SESN2: variants seen among roughly 807,000 people sequenced by gnomAD.
SESN2 encodes sestrin 2, also known as sestrin-2.
A neutral mutation model predicts 56.0 loss-of-function variants in SESN2; 42 were observed. The observed-to-expected ratio is 0.75, with a 90% confidence interval of 0.59 to 0.97. The LOEUF is 0.97. SESN2 is among the 50% of genes least tolerant of loss of function. SESN2 has a pLI of 0.00. For missense variants in SESN2, 507 were observed against 649.4 expected (o/e 0.78, Z 2.38); for synonymous variants, 264 against 267.1 (o/e 0.99, Z 0.11).
chr1:28,273,856 A>G (rs149301505), intron 6 of SESN2, among the ~76,000 whole-genome samples, 184 bp from the exon 7 acceptor site: 2 of 152,148 alleles, frequency 1.3e-5, no homozygotes, highest in African/African-American at 4.8e-5. Flanking sequence ...TCATGGGTCC[A>G]TGGGCCTGAT....
Position 28,272,633 on chromosome 1 carries a change from C to T in SESN2, c.590C>T (p.Ala197Val). The change falls in exon 5 of 10, where the codon GCT becomes GTT. Residue 197 changes from alanine to valine, a missense_variant. Physicochemically the swap from Ala to Val is moderately conservative, Grantham distance 64 (BLOSUM62 0). Coordinates refer to ENST00000253063, the MANE Select transcript of SESN2 (RefSeq NM_031459.5). ...HTWSLAELIQ[A>V]LVLLTHCHSL... ...TGGTCCCTGGCCGAGCTCATTCAGG[C>T]TCTGGTCCTGCTCACCCACTGCCAC... is the stretch of plus-strand genomic sequence containing the variant. The T allele has an allele frequency of 6.2e-7, 1 of 1,614,162 alleles. No individual in the cohort carries two copies. The highest frequency in any genetic ancestry group is 1.1e-5 in the South Asian group (1 of 91,088).
chr1:28,276,679 G>A (rs61785868), intron 8 of SESN2, among the ~76,000 whole-genome samples: 10,265 of 134,406 alleles, frequency 0.076, 509 homozygotes, highest in African/African-American at 0.16. Flanking sequence ...TCCCGGATTC[G>A]AGGGATTCTC....
intron 8 of SESN2, 95 bp downstream of exon 8, chr1:28,275,110 T>C: frequency 1.1e-6 from 1 of 913,084 alleles, no homozygotes; most frequent in Non-Finnish European, 1.6e-6. Flanking sequence ...TTTTTTCTTT[T>C]CCTTTCTTCT....
At chr1:28,265,379 C>T (rs1307953883) in intron 1 of SESN2, among the ~76,000 whole-genome samples, 2 of 152,054 alleles carry the variant, frequency 1.3e-5, no homozygotes, top group East Asian at 3.9e-4. Context: ...TGCTGGTCCC[C>T]CTAGTTTTTG....
chr1:28,274,755 C>A, intron 7 of SESN2, 70 bp from the exon 8 acceptor site: 1 of 1,235,398 alleles, frequency 8.1e-7, no homozygotes, highest in Non-Finnish European at 1.2e-6. Context: ...ATCCCAGGTC[C>A]AGAGGATGGG....
At chr1:28,267,445 C>T (rs1418357777) in intron 1 of SESN2, among the ~76,000 whole-genome samples, 1 of 152,170 alleles carries the variant, frequency 6.6e-6, no homozygotes, top group Non-Finnish European at 1.5e-5. Context: ...AGTCCCAGAG[C>T]TCTGCCTCCT....
chr1:28,272,942 C>G (rs1325712366), intron 5 of SESN2, 149 bp downstream of exon 5: 2 of 604,858 alleles, frequency 3.3e-6, no homozygotes, highest in South Asian at 2.0e-5. Flanking sequence ...AGCTTAGTTT[C>G]CTCATCTGTG....
chr1:28,267,173 G>C (rs1647586635), intron 1 of SESN2, among the ~76,000 whole-genome samples: 1 of 152,154 alleles, frequency 6.6e-6, no homozygotes, highest in Admixed American at 6.5e-5. Flanking sequence ...TTTGGTGAGG[G>C]GGAGGGAAGC....
At chr1:28,276,868 T>C (rs989940954) in intron 8 of SESN2, among the ~76,000 whole-genome samples, 4 of 147,840 alleles carry the variant, frequency 2.7e-5, no homozygotes, top group African/African-American at 7.5e-5. Context: ...CATGAGACAC[T>C]GCGCCCAGCC....
chr1:28,271,686 G>A lies in SESN2; in HGVS notation c.169G>A (p.Gly57Arg). The change falls in exon 3 of 10, where the codon GGG (glycine) becomes AGG (arginine). Residue 57 changes from glycine to arginine, a missense_variant. Gly to Arg is a moderately radical substitution (Grantham distance 125, BLOSUM62 -2). Coordinates refer to ENST00000253063, the MANE Select transcript of SESN2 (RefSeq NM_031459.5). ...CTTTGGTTGGCAGGTCCTTCGGGAG[G>A]GGGCTGAGAGCCTCGAGCAGCACCT... ...FIPVEEVLRE[G>R]AESLEQHLGL... The A allele has an allele frequency of 1.2e-6, 2 of 1,614,132 alleles. No homozygotes were observed. Among genetic ancestry groups the A allele is most frequent in the Non-Finnish European group, 1.7e-6 (2 of 1,180,020 alleles).
At position 28,259,946 on chromosome 1, in the gene SESN2, C is replaced by T. The variant is rs1647310181; in HGVS notation, c.90+9C>T. 2.0e-6 allele frequency: 3 copies of T among 1,495,678 alleles called. No individual in the cohort carries two copies. Among genetic ancestry groups the T allele is most frequent in the East Asian group, 5.7e-5 (2 of 35,164 alleles). 92.7% of individuals were successfully genotyped at this position (1,495,678 alleles called of 1,614,324 possible). On this transcript the variant is annotated intron_variant, in intron 1 of 9. Transcript: ENST00000253063. ...ACTCGGGCCCCGGAGAGGTAAGCGGCGGCCGCGCGACGCCCCTCTTCCCTG... is the reference window on the plus strand; with the variant it reads ...ACTCGGGCCCCGGAGAGGTAAGCGGTGGCCGCGCGACGCCCCTCTTCCCTG...
chr1:28,281,373 T>C lies in SESN2; in HGVS notation c.*571T>C, dbSNP rs2149041688. 1 of 152,380 alleles carries C rather than the reference T, an allele frequency of 6.6e-6. No individual in the cohort carries two copies. Among genetic ancestry groups the C allele is most frequent in the Admixed American group, 6.5e-5 (1 of 15,290 alleles). 9.4% of individuals were successfully genotyped at this position (152,380 alleles called of 1,614,324 possible). On this transcript the variant is annotated 3_prime_UTR_variant, in exon 10 of 10. Transcript: ENST00000253063. Reference sequence around the variant, plus strand: ...GGCTGTTGCCCGAATCCTAGTTCAGTTTTTTGACTTCCTTTGCCCTTTTTC... The same window carrying C: ...GGCTGTTGCCCGAATCCTAGTTCAGCTTTTTGACTTCCTTTGCCCTTTTTC...
chr1:28,278,360 A>C (rs1225872526), intron 8 of SESN2, among the ~76,000 whole-genome samples: 1 of 152,138 alleles, frequency 6.6e-6, no homozygotes, highest in East Asian at 1.9e-4. Flanking sequence ...TGAGGTCAGG[A>C]GTTCGAGACC....
chr1:28,273,359 G>A lies in SESN2; in HGVS notation c.752G>A (p.Gly251Asp), dbSNP rs1316928473. ...GTCACCACGGGGCCTCTCCTGCAGG[G>A]CTTTGAGTCTGCCCGCGACGTGGAG... ...PSRDPLNNSG[G>D]FESARDVEAL... The change falls in exon 6 of 10, where the codon GGC (glycine) becomes GAC (aspartate). Residue 251 changes from glycine to aspartate, a missense_variant and splice_region_variant. Gly to Asp is a moderately conservative substitution (Grantham distance 94, BLOSUM62 -1). Transcript: ENST00000253063. 2 of 1,590,784 alleles carry A rather than the reference G, an allele frequency of 1.3e-6. No homozygotes were observed. Among genetic ancestry groups the A allele is most frequent in the Admixed American group, 1.7e-5 (1 of 57,378 alleles).
chr1:28,272,136 TG>T, intron 3 of SESN2, 147 bp from the exon 4 acceptor site: 1 of 844,234 alleles, frequency 1.2e-6, no homozygotes, highest in Non-Finnish European at 1.8e-6. Context: ...GCCTGCAAGC[TG>T]GTGGCAGAGC....
At chr1:28,267,879 C>G (rs1428344710) in intron 1 of SESN2, among the ~76,000 whole-genome samples, 1 of 152,182 alleles carries the variant, frequency 6.6e-6, no homozygotes, top group Non-Finnish European at 1.5e-5. Context: ...TGACCTGGCG[C>G]TGCTCTCCAC....
At position 28,278,123 on chromosome 1, in the gene SESN2, C is replaced by T. The variant is rs114525667; in HGVS notation, c.1212-974C>T. Reference sequence around the variant, plus strand: ...GCTTTGAAGAAGTTAGTCATCTTCTCCAGGGCTTAGGTTGCCCATTTGTAG... The same window carrying T: ...GCTTTGAAGAAGTTAGTCATCTTCTTCAGGGCTTAGGTTGCCCATTTGTAG... On this transcript the variant is annotated intron_variant, in intron 8 of 9. Coordinates refer to ENST00000253063, the MANE Select transcript of SESN2 (RefSeq NM_031459.5). 5.5e-3 allele frequency among the ~76,000 whole-genome samples: 839 copies of T among 152,294 alleles called. 9 individuals are homozygous for T. The highest frequency in any genetic ancestry group is 0.02 in the African/African-American group (814 of 41,564).
chr1:28,266,851 G>T (rs762952343), intron 1 of SESN2, among the ~76,000 whole-genome samples: 1 of 152,104 alleles, frequency 6.6e-6, no homozygotes, highest in Non-Finnish European at 1.5e-5. Context: ...GCCAGCCAAG[G>T]GCCCCTATCT....
At chr1:28,276,129 AGAGCAAG>A (rs533078121) in intron 8 of SESN2, among the ~76,000 whole-genome samples, 10,699 of 152,192 alleles carry the variant, frequency 0.07, 524 homozygotes, top group African/African-American at 0.14. Context: ...CCTGGGCAAC[AGAGCAAG>A]ACGCTATCTC....
Sources: gnomAD v4.1 joint callset for allele counts (sites outside exome capture counted in the v4.1 genomes callset) on GRCh38, gnomAD v4.1.1 for gene constraint, MANE v1.5 for transcripts, NCBI Gene and HGNC (gene_info 2026-07-23, HGNC 2026-07-21) for gene names.